The following RARB variants were observed in gnomAD, a reference collection of about 807,000 sequenced individuals.
The protein encoded by RARB is retinoic acid receptor beta.
Under a neutral mutation model 51.9 loss-of-function variants are expected in RARB, and 17 were observed. The ratio of observed to expected loss-of-function variants is 0.33; its 90% CI spans 0.22 to 0.49. RARB has a LOEUF of 0.49. RARB is among the 20% of genes least tolerant of loss of function. The pLI, the probability that RARB is intolerant of heterozygous loss-of-function variation, is 0.99. For missense variants in RARB, 369 were observed against 550.8 expected, an observed-to-expected ratio of 0.67 and a Z score of 3.30; for synonymous variants, 215 against 195.4, an observed-to-expected ratio of 1.10 and a Z score of -0.84.
At chr3:25,198,256 A>G (rs761589190) in intron 5 of RARB, among the ~76,000 whole-genome samples, 16 of 151,966 alleles carry the variant, frequency 1.1e-4, no homozygotes, top group Non-Finnish European at 2.1e-4. Flanking sequence ...TTCTCTTACC[A>G]TATACAAAAA....
intron 2 of RARB, among the ~76,000 whole-genome samples, chr3:24,889,089 C>A (rs772931637): frequency 3.9e-5 from 6 of 152,156 alleles, no homozygotes; most frequent in African/African-American, 7.2e-5. Flanking sequence ...AATGCACTGT[C>A]CCCTGTGAGG....
At position 25,501,688 on chromosome 3, in the gene RARB, A is replaced by G. The variant is rs143234302; in HGVS notation, c.448+365A>G. Among the ~76,000 whole-genome samples the G allele has an allele frequency of 4.3e-3, 651 of 152,252 alleles. 7 individuals are homozygous for G. The highest frequency in any genetic ancestry group is 0.015 in the African/African-American group (623 of 41,558). On this transcript the variant is annotated intron_variant, in intron 3 of 7. Transcript: ENST00000330688. Reference sequence around the variant, plus strand: ...ATCTTCGCCTGTATCGGTGAGGATAAGATAAAATGATAGGCATGAATGTTA... The same window carrying G: ...ATCTTCGCCTGTATCGGTGAGGATAGGATAAAATGATAGGCATGAATGTTA...
intron 4 of RARB, among the ~76,000 whole-genome samples, chr3:25,572,410 T>A (rs1286735): frequency 0.43 from 65,686 of 151,940 alleles, 14,288 homozygotes; most frequent in African/African-American, 0.48. Context: ...GACTCTGTGA[T>A]TTGGGTTTCG....
intron 5 of RARB, among the ~76,000 whole-genome samples, chr3:25,271,315 TGC>T: frequency 6.6e-6 from 1 of 152,310 alleles, no homozygotes; most frequent in Non-Finnish European, 1.5e-5. Context: ...AATAATAGTG[TGC>T]TAACCAAAAA....
At chr3:25,203,519 C>T (rs1701450347) in intron 5 of RARB, among the ~76,000 whole-genome samples, 1 of 152,198 alleles carries the variant, frequency 6.6e-6, no homozygotes, top group African/African-American at 2.4e-5. Flanking sequence ...GCAGTTTCTT[C>T]CTAGCCTTGA....
At chr3:25,044,831 G>C (rs546498360) in intron 2 of RARB, among the ~76,000 whole-genome samples, 1 of 152,270 alleles carries the variant, frequency 6.6e-6, no homozygotes, top group Non-Finnish European at 1.5e-5. Context: ...ACTATAGAAG[G>C]CCAGTACTGG....
chr3:25,561,402 CA>C (rs1700264265), intron 3 of RARB, among the ~76,000 whole-genome samples: 1 of 152,132 alleles, frequency 6.6e-6, no homozygotes, highest in African/African-American at 2.4e-5. Flanking sequence ...TGCTGTGTAA[CA>C]AACTACCCCC....
chr3:25,236,345 C>T (rs1022934515), intron 5 of RARB, among the ~76,000 whole-genome samples: 1 of 152,110 alleles, frequency 6.6e-6, no homozygotes, highest in Non-Finnish European at 1.5e-5. Flanking sequence ...GATAATAATA[C>T]CCTGTTAATT....
intron 5 of RARB, among the ~76,000 whole-genome samples, chr3:25,311,803 C>A (rs1283027181): frequency 6.6e-6 from 1 of 152,136 alleles, no homozygotes; most frequent in Non-Finnish European, 1.5e-5. Context: ...ATAGACAGTT[C>A]AGGCTCATGA....
intron 2 of RARB, among the ~76,000 whole-genome samples, chr3:25,030,046 C>T (rs1453771635): frequency 6.6e-6 from 1 of 152,182 alleles, no homozygotes; most frequent in Non-Finnish European, 1.5e-5. Flanking sequence ...AGACAGATAT[C>T]TCATGCCATC....
At chr3:25,502,053 C>T (rs1283426960) in intron 3 of RARB, among the ~76,000 whole-genome samples, 1 of 152,172 alleles carries the variant, frequency 6.6e-6, no homozygotes, top group Non-Finnish European at 1.5e-5. Flanking sequence ...TGGCTTGGCT[C>T]AAGCAGGCAT....
intron 2 of RARB, among the ~76,000 whole-genome samples, chr3:24,859,237 C>A (rs1162439182): frequency 6.6e-6 from 1 of 151,864 alleles, no homozygotes; most frequent in Non-Finnish European, 1.5e-5. Flanking sequence ...CTCTATATTG[C>A]AATATCTCTT....
At chr3:25,444,982 C>T (rs1708864822) in intron 1 of RARB, among the ~76,000 whole-genome samples, 2 of 151,876 alleles carry the variant, frequency 1.3e-5, no homozygotes, top group Admixed American at 6.6e-5. Flanking sequence ...CAGAATCTTG[C>T]TCTGTCGCCC....
At chr3:25,269,175 T>C (rs1018067889) in intron 5 of RARB, among the ~76,000 whole-genome samples, 4 of 152,208 alleles carry the variant, frequency 2.6e-5, no homozygotes, top group East Asian at 1.9e-4. Flanking sequence ...CTTTGGGCTG[T>C]TAAATAATAG....
chr3:25,522,783 C>T (rs1438251725), intron 3 of RARB, among the ~76,000 whole-genome samples: 2 of 152,074 alleles, frequency 1.3e-5, no homozygotes, highest in Non-Finnish European at 2.9e-5. Context: ...CCTGTCTTGC[C>T]CTCTTCAACC....
chr3:25,545,425 G>A (rs1233036607), intron 3 of RARB, among the ~76,000 whole-genome samples: 1 of 152,126 alleles, frequency 6.6e-6, no homozygotes, highest in Admixed American at 6.5e-5. Flanking sequence ...TCATTCACTT[G>A]TGTCCTGCCC....
chr3:24,982,581 G>T (rs567342406), intron 2 of RARB, among the ~76,000 whole-genome samples: 1 of 152,282 alleles, frequency 6.6e-6, no homozygotes, highest in South Asian at 2.1e-4. Context: ...CTTTATACCT[G>T]AGTAATACTT....
At chr3:25,197,205 C>T (rs781320692) in intron 5 of RARB, among the ~76,000 whole-genome samples, 38 of 151,998 alleles carry the variant, frequency 2.5e-4, no homozygotes, top group Middle Eastern at 3.4e-3. Context: ...TAAGGTCTAA[C>T]GTTTAAGTCT....
At chr3:25,183,459 A>AT (rs1266180762) in intron 5 of RARB, among the ~76,000 whole-genome samples, 3 of 151,982 alleles carry the variant, frequency 2.0e-5, no homozygotes, top group Non-Finnish European at 2.9e-5. Flanking sequence ...TTTAATATTC[A>AT]TTTTATTCTT....
Sources: gnomAD v4.1 joint callset for allele counts (sites outside exome capture counted in the v4.1 genomes callset) on GRCh38, gnomAD v4.1.1 for gene constraint, MANE v1.5 for transcripts, NCBI Gene and HGNC (gene_info 2026-07-23, HGNC 2026-07-21) for gene names.